Variants in DOCK3 observed in about 807,000 individuals in gnomAD.
DOCK3 encodes dedicator of cytokinesis 3, also known as dedicator of cytokinesis protein 3.
In DOCK3, 60 loss-of-function variants were observed where a neutral mutation model predicts 265.6. The ratio of observed to expected loss-of-function variants is 0.23; its 90% CI spans 0.18 to 0.28. The LOEUF is 0.28. Ranked by LOEUF, DOCK3 falls within the 10% of genes least tolerant of loss-of-function variation. The pLI is 1.00. For synonymous variants in DOCK3, 881 were observed against 938.0 expected (o/e 0.94, Z 1.11); for missense variants, 1,981 against 2,594.3 (o/e 0.76, Z 5.14).
At chr3:51,226,411 C>A (rs567068133) in intron 15 of DOCK3, among the ~76,000 whole-genome samples, 1 of 152,270 alleles carries the variant, frequency 6.6e-6, no homozygotes, top group South Asian at 2.1e-4. Flanking sequence ...CGGTGTTGTA[C>A]GAACCTTGCT....
At chr3:51,185,707 G>T (rs997508740) in intron 12 of DOCK3, among the ~76,000 whole-genome samples, 2 of 152,126 alleles carry the variant, frequency 1.3e-5, no homozygotes, top group Non-Finnish European at 2.9e-5. Flanking sequence ...TGAATCATGG[G>T]GGCGGGTCTT....
chr3:50,698,517 G>GTTTTTTGTTTTTTTGTTTTT (rs2035795209), intron 1 of DOCK3, among the ~76,000 whole-genome samples: 1 of 19,506 alleles, frequency 5.1e-5, no homozygotes, highest in African/African-American at 1.5e-4. Flanking sequence ...TATGTTTTTG[G>GTTTTTTGTTTTTTTGTTTTT]TTTTTTTTTT....
At chr3:51,338,881 C>G in intron 36 of DOCK3, 54 bp from the exon 37 acceptor site, 2 of 1,479,212 alleles carry the variant, frequency 1.4e-6, no homozygotes, top group Non-Finnish European at 1.9e-6. Flanking sequence ...CTGCCCAGAG[C>G]TTGGCTATGG....
At chr3:50,753,479 A>G (rs555571997) in intron 1 of DOCK3, among the ~76,000 whole-genome samples, 1 of 152,230 alleles carries the variant, frequency 6.6e-6, no homozygotes, top group Non-Finnish European at 1.5e-5. Context: ...AGTTGGGACT[A>G]TAAGTGTGTG....
Position 51,059,215 on chromosome 3 carries a change from A to C in DOCK3, c.316-5233A>C, listed in dbSNP as rs146577931. On this transcript the variant is annotated intron_variant, in intron 5 of 52. Transcript: ENST00000266037. ...CTGTTTCTGCATTAATTTTCTTAGG[A>C]TAATGGCCTTGGGCCTATTTTATAA... is the stretch of plus-strand genomic sequence containing the variant. 3.5e-3 allele frequency among the ~76,000 whole-genome samples: 540 copies of C among 152,232 alleles called. 5 individuals carry two copies. The highest frequency in any genetic ancestry group is 0.013 in the African/African-American group (526 of 41,546).
chr3:50,703,846 T>A (rs959077026), intron 1 of DOCK3, among the ~76,000 whole-genome samples: 6 of 151,870 alleles, frequency 4.0e-5, no homozygotes, highest in Admixed American at 3.9e-4. Flanking sequence ...GTAATTTTTT[T>A]ATTCTTTTCT....
chr3:51,050,838 A>G (rs2080968101), intron 5 of DOCK3, among the ~76,000 whole-genome samples: 1 of 152,228 alleles, frequency 6.6e-6, no homozygotes, highest in Admixed American at 6.5e-5. Flanking sequence ...TTTACTAGAT[A>G]TTTGTGCATC....
intron 5 of DOCK3, among the ~76,000 whole-genome samples, chr3:50,940,289 C>CAAAAAAAA (rs34253657): frequency 8.5e-6 from 1 of 117,360 alleles, no homozygotes. Flanking sequence ...CCATTTCTAC[C>CAAAAAAAA]AAAAAAAAAA....
intron 27 of DOCK3, among the ~76,000 whole-genome samples, chr3:51,304,640 A>T (rs2082549769): frequency 6.6e-6 from 1 of 152,210 alleles, no homozygotes; most frequent in African/African-American, 2.4e-5. Context: ...GGTTGCACAG[A>T]TCTGTGGAAA....
chr3:51,014,398 C>T (rs187493323), intron 5 of DOCK3, among the ~76,000 whole-genome samples: 14 of 152,222 alleles, frequency 9.2e-5, no homozygotes, highest in South Asian at 2.1e-4. Flanking sequence ...CCACCTCCCT[C>T]GACACTTATA....
At chr3:51,032,119 C>CGTGT (rs1199409161) in intron 5 of DOCK3, among the ~76,000 whole-genome samples, 3,253 of 148,956 alleles carry the variant, frequency 0.022, 37 homozygotes, top group South Asian at 0.06. Flanking sequence ...CCTCCCTCCT[C>CGTGT]GTGTGTGTGT....
Position 51,308,760 on chromosome 3 carries a change from G to A in DOCK3, c.2923-1472G>A, listed in dbSNP as rs2082859274. The stretch of plus-strand genomic sequence containing the variant: ...ACACCTCCCAGACGGGGTGGTGGCC[G>A]GGCAGAGGGGCTCCTCACTTCCCAG... On this transcript the variant is annotated intron_variant, in intron 27 of 52. Transcript: ENST00000266037. Among the ~76,000 whole-genome samples, 5 of 152,044 alleles carry A rather than the reference G, an allele frequency of 3.3e-5. No homozygotes were observed. The South Asian group carries it at 8.3e-4, about 25-fold the overall frequency.
At chr3:50,920,345 CT>C (rs1216214230) in intron 4 of DOCK3, among the ~76,000 whole-genome samples, 3 of 152,138 alleles carry the variant, frequency 2.0e-5, no homozygotes. Flanking sequence ...CTTTGTACCC[CT>C]GGTCGAATTT....
chr3:51,239,804 C>G (rs2078527789), intron 21 of DOCK3, among the ~76,000 whole-genome samples: 1 of 150,268 alleles, frequency 6.7e-6, no homozygotes, highest in Admixed American at 6.6e-5. Context: ...GGGAATATCC[C>G]CCTTTTCATT....
intron 1 of DOCK3, among the ~76,000 whole-genome samples, chr3:50,753,771 A>G (rs1174581063): frequency 6.6e-6 from 1 of 152,156 alleles, no homozygotes; most frequent in Non-Finnish European, 1.5e-5. Flanking sequence ...TTATATTGCA[A>G]ATTAAAGTAC....
At chr3:51,337,606 G>T (rs2084957047) in intron 35 of DOCK3, among the ~76,000 whole-genome samples, 2 of 152,198 alleles carry the variant, frequency 1.3e-5, no homozygotes, top group Non-Finnish European at 2.9e-5. Flanking sequence ...ATGTCTTGCT[G>T]GATTCACCAG....
chr3:51,226,904 T>TG (rs1227303424), intron 15 of DOCK3, among the ~76,000 whole-genome samples: 2 of 152,120 alleles, frequency 1.3e-5, no homozygotes, highest in African/African-American at 4.8e-5. Flanking sequence ...TGTAATTTAA[T>TG]TTTTTTTCTG....
chr3:51,073,114 G>T (rs2109354453), intron 6 of DOCK3, among the ~76,000 whole-genome samples: 1 of 152,104 alleles, frequency 6.6e-6, no homozygotes. Flanking sequence ...AATGATTAAA[G>T]AATATGTATG....
At chr3:51,315,202 C>A (rs770566765) in intron 32 of DOCK3, 74 bp downstream of exon 32, 8 of 1,463,832 alleles carry the variant, frequency 5.5e-6, no homozygotes, top group East Asian at 2.5e-5. Flanking sequence ...CCTAGATGAC[C>A]AAGCCATGAT....
Sources: allele counts gnomAD v4.1 joint callset (sites outside exome capture counted in the v4.1 genomes callset), GRCh38; gene constraint gnomAD v4.1.1; transcripts MANE v1.5; gene names NCBI Gene and HGNC (gene_info 2026-07-23, HGNC 2026-07-21).